ZNF469: variants seen among roughly 807,000 people sequenced by gnomAD.
The protein encoded by ZNF469 is zinc finger protein 469.
In ZNF469, 1 loss-of-function variant was observed where a neutral mutation model predicts 1.0. That is an observed-to-expected ratio of 1.00 (90% confidence interval 0.35 to 4.73). ZNF469 has a LOEUF of 4.73. Ranked by LOEUF, ZNF469 falls within the 30% of genes most tolerant of loss-of-function variation. ZNF469 has a pLI of 0.16. For synonymous variants in ZNF469, 2,703 were observed against 2,363.4 expected (o/e 1.14, Z -4.17); for missense variants, 6,100 against 5,356.3 (o/e 1.14, Z -4.33).
chr16:88,324,604 G>T, the ZNF469 span, among the ~76,000 whole-genome samples: 1 of 152,278 alleles, frequency 6.6e-6, no homozygotes, highest in Non-Finnish European at 1.5e-5. Flanking sequence ...GCTGCTCCTT[G>T]CAGAGCAGGG....
chr16:88,157,748 C>T, the ZNF469 span, among the ~76,000 whole-genome samples: 1 of 152,190 alleles, frequency 6.6e-6, no homozygotes, highest in Non-Finnish European at 1.5e-5. Flanking sequence ...CCTCAGCCCC[C>T]ATCCCGAGTC....
chr16:88,367,184 G>C, the ZNF469 span, among the ~76,000 whole-genome samples: 7 of 152,188 alleles, frequency 4.6e-5, no homozygotes, highest in African/African-American at 1.7e-4. Context: ...ATAGCCTATT[G>C]AGCTCCAACT....
intron 1 of ZNF469, among the ~76,000 whole-genome samples, chr16:88,383,961 G>T (rs574174479): frequency 4.6e-5 from 7 of 151,750 alleles, no homozygotes; most frequent in African/African-American, 9.8e-5. Flanking sequence ...AATGGGGCTC[G>T]GGGGACTCCC....
At chr16:88,296,632 A>G in the ZNF469 span, among the ~76,000 whole-genome samples, 1 of 151,948 alleles carries the variant, frequency 6.6e-6, no homozygotes, top group Admixed American at 6.6e-5. Flanking sequence ...ATGCACACTC[A>G]CATACGCATA....
At chr16:88,176,427 C>T in the ZNF469 span, among the ~76,000 whole-genome samples, 1 of 150,806 alleles carries the variant, frequency 6.6e-6, no homozygotes. Context: ...TTTCCATCAA[C>T]ATTTCAGAGG....
the ZNF469 span, among the ~76,000 whole-genome samples, chr16:88,147,498 G>C: frequency 3.3e-5 from 5 of 152,102 alleles, no homozygotes; most frequent in African/African-American, 4.8e-5. Context: ...CAGCCCCCAG[G>C]GGTGTGGGTG....
the ZNF469 span, chr16:88,234,734 G>A: frequency 1.3e-5 from 2 of 152,148 alleles, no homozygotes; most frequent in Non-Finnish European, 2.9e-5. Context: ...CAGTGCTCTC[G>A]TCACAGAGCA....
Position 88,429,795 on chromosome 16 carries a change from G to GC in ZNF469, c.2331dup (p.Ala778ArgfsTer60). 1 of 1,543,780 alleles carries GC rather than the reference G, an allele frequency of 6.5e-7. No individual in the cohort carries two copies. The highest frequency in any genetic ancestry group is 8.7e-7 in the Non-Finnish European group (1 of 1,143,642). ...CTCCAGGCCCCCCTGGGCTCCCCTC[G>GC]CCCCCCGCTGCCCCCAGAGTCCCTG... is the stretch of plus-strand genomic sequence containing the variant. On this transcript the variant is annotated frameshift_variant, in exon 3 of 3. Transcript: ENST00000565624. LOFTEE classifies it low-confidence loss of function (END_TRUNC).
chr16:88,171,618 C>T, the ZNF469 span, among the ~76,000 whole-genome samples: 1 of 152,140 alleles, frequency 6.6e-6, no homozygotes, highest in Non-Finnish European at 1.5e-5. Context: ...TGAATAGTCC[C>T]AAATGTTAGC....
the ZNF469 span, among the ~76,000 whole-genome samples, chr16:88,249,303 C>T: frequency 1.3e-5 from 2 of 151,878 alleles, no homozygotes; most frequent in African/African-American, 4.8e-5. Context: ...TCATACCTCA[C>T]TGTAGTCTCG....
At chr16:88,385,446 G>C (rs1418967868) in intron 1 of ZNF469, among the ~76,000 whole-genome samples, 1 of 151,878 alleles carries the variant, frequency 6.6e-6, no homozygotes, top group African/African-American at 2.4e-5. Context: ...GGCCAGCCTG[G>C]GCAACATAGT....
At chr16:88,330,361 G>A in the ZNF469 span, among the ~76,000 whole-genome samples, 1 of 152,230 alleles carries the variant, frequency 6.6e-6, no homozygotes, top group African/African-American at 2.4e-5. Context: ...TTGCCGTGAT[G>A]ATGTGTGGGG....
At chr16:88,203,515 T>G in the ZNF469 span, among the ~76,000 whole-genome samples, 2 of 151,328 alleles carry the variant, frequency 1.3e-5, no homozygotes, top group Non-Finnish European at 1.5e-5. Flanking sequence ...GGGGCGGGGG[T>G]GGAGGCAGGA....
the ZNF469 span, among the ~76,000 whole-genome samples, chr16:88,112,410 G>C: frequency 6.6e-6 from 1 of 152,216 alleles, no homozygotes; most frequent in Non-Finnish European, 1.5e-5. Context: ...AACGGGGTAC[G>C]AGGGTTCCCT....
chr16:88,180,002 A>T, the ZNF469 span, among the ~76,000 whole-genome samples: 1 of 152,248 alleles, frequency 6.6e-6, no homozygotes, highest in Non-Finnish European at 1.5e-5. Flanking sequence ...GAACAGCTAC[A>T]CTAAGAGGTA....
At chr16:88,189,327 G>A in the ZNF469 span, among the ~76,000 whole-genome samples, 2 of 152,198 alleles carry the variant, frequency 1.3e-5, no homozygotes, top group African/African-American at 4.8e-5. The surrounding 1 kb of genome is among the most constrained non-coding windows in gnomAD (Gnocchi z 4.3). Context: ...GCAAAGGTCT[G>A]ATGGGGGTAT....
chr16:88,244,393 GTGGATGGATGGA>G, the ZNF469 span, among the ~76,000 whole-genome samples: 828 of 131,208 alleles, frequency 6.3e-3, 5 homozygotes, highest in Middle Eastern at 0.021. Flanking sequence ...GAATGCATGG[GTGGATGGATGGA>G]TGGATGGATG....
the ZNF469 span, among the ~76,000 whole-genome samples, chr16:88,296,560 AC>A: frequency 6.3e-3 from 950 of 151,910 alleles, 5 homozygotes; most frequent in African/African-American, 0.022. Flanking sequence ...ATGCACACTC[AC>A]GTGCTCACAC....
chr16:88,158,965 C>T, the ZNF469 span, among the ~76,000 whole-genome samples: 67 of 152,290 alleles, frequency 4.4e-4, no homozygotes, highest in African/African-American at 1.3e-3. Flanking sequence ...CAGGTGCACA[C>T]GTGCTGGTCC....
Sources: allele counts gnomAD v4.1 joint callset (sites outside exome capture counted in the v4.1 genomes callset), GRCh38; gene constraint gnomAD v4.1.1; non-coding constraint Gnocchi (gnomAD v3.1); transcripts MANE v1.5; gene names NCBI Gene and HGNC (gene_info 2026-07-23, HGNC 2026-07-21).